Variants in KLHL29 observed in about 807,000 individuals in gnomAD.
The protein encoded by KLHL29 is kelch like family member 29, also known as kelch-like protein 29.
In KLHL29, 21 loss-of-function variants were observed where a neutral mutation model predicts 80.4. That is an observed-to-expected ratio of 0.26 (90% CI 0.19 to 0.38). The LOEUF (loss-of-function observed/expected upper bound fraction) is 0.38, where lower values mean the gene tolerates loss of function less well. KLHL29 is among the 10% of genes least tolerant of loss of function. KLHL29 has a pLI of 1.00. For missense variants in KLHL29, 867 were observed against 1,223.9 expected, an observed-to-expected ratio of 0.71 and a Z score of 4.35; for synonymous variants, 511 against 526.8, an observed-to-expected ratio of 0.97 and a Z score of 0.41.
intron 5 of KLHL29, among the ~76,000 whole-genome samples, chr2:23,675,197 C>G (rs566669745): frequency 2.0e-5 from 3 of 152,330 alleles, no homozygotes; most frequent in Admixed American, 2.0e-4. Context: ...ATCCTCCAAG[C>G]AGGGGAAGGA....
chr2:23,693,122 G>C, intron 7 of KLHL29, 147 bp from the exon 8 acceptor site: 2 of 944,672 alleles, frequency 2.1e-6, no homozygotes, highest in Non-Finnish European at 3.1e-6. Flanking sequence ...CAGACACCCA[G>C]GAAGGGGGCC....
rs73919772 is a variant in KLHL29, at chr2:23,587,369, T to C, written c.285+24888T>C. 2.5e-3 allele frequency among the ~76,000 whole-genome samples: 378 copies of C among 152,086 alleles called. 1 individual carries two copies. The highest frequency in any genetic ancestry group is 8.5e-3 in the African/African-American group (351 of 41,476). On this transcript the variant is annotated intron_variant, in intron 3 of 13. Coordinates refer to ENST00000486442, the MANE Select transcript of KLHL29 (RefSeq NM_052920.2). ...TGGAATCCTCAGGGCCCCCCACTAATCACTTTTGATGGAGTAAGACTTGGA... is the reference window on the plus strand; with the variant it reads ...TGGAATCCTCAGGGCCCCCCACTAACCACTTTTGATGGAGTAAGACTTGGA...
In KLHL29 at chr2:23,452,948, C is replaced by T. The variant is rs142273458; in HGVS notation, c.-153-22612C>T. 3.4e-3 allele frequency among the ~76,000 whole-genome samples: 524 copies of T among 152,004 alleles called. 4 individuals are homozygous for T. The highest frequency in any genetic ancestry group is 0.012 in the African/African-American group (504 of 41,428). ...CACACATCCCCCAGCACTTGAGCTG[C>T]GCTTCCACATAACCACTTCCTTTAT... On this transcript the variant is annotated intron_variant, in intron 1 of 13. Coordinates refer to ENST00000486442, the MANE Select transcript of KLHL29 (RefSeq NM_052920.2).
At chr2:23,432,488 A>C (rs554550404) in intron 1 of KLHL29, among the ~76,000 whole-genome samples, 1 of 152,246 alleles carries the variant, frequency 6.6e-6, no homozygotes, top group Non-Finnish European at 1.5e-5. Context: ...TGGGGATTCA[A>C]CAGTGCCTGA....
chr2:23,628,563 G>A (rs866971497), intron 3 of KLHL29, among the ~76,000 whole-genome samples: 1 of 152,186 alleles, frequency 6.6e-6, no homozygotes, highest in Non-Finnish European at 1.5e-5. Context: ...AAGGTAGGAG[G>A]ATCGCTTGAG....
intron 11 of KLHL29, among the ~76,000 whole-genome samples, chr2:23,702,831 C>G (rs1399276958): frequency 6.6e-6 from 1 of 150,692 alleles, no homozygotes; most frequent in Non-Finnish European, 1.5e-5. Flanking sequence ...TGGGGCCTGG[C>G]TATAAAGCAA....
chr2:23,537,417 TACACACACACAC>T (rs5741924), intron 2 of KLHL29, among the ~76,000 whole-genome samples: 119 of 149,152 alleles, frequency 8.0e-4, no homozygotes, highest in Middle Eastern at 3.4e-3. Flanking sequence ...GGGCAGAAAC[TACACACACACAC>T]ACACACACAC....
chr2:23,458,268 TG>T (rs1294651409), intron 1 of KLHL29, among the ~76,000 whole-genome samples: 1 of 152,226 alleles, frequency 6.6e-6, no homozygotes, highest in African/African-American at 2.4e-5. Flanking sequence ...TGCAAGGCAC[TG>T]GTGCTCCCAC....
intron 2 of KLHL29, among the ~76,000 whole-genome samples, chr2:23,476,741 G>C (rs922817705): frequency 1.3e-5 from 2 of 152,160 alleles, no homozygotes; most frequent in African/African-American, 4.8e-5. Context: ...TACTTCTTTG[G>C]CTTAAATTTT....
chr2:23,553,557 AC>A (rs1180218037), intron 2 of KLHL29, among the ~76,000 whole-genome samples: 1 of 151,866 alleles, frequency 6.6e-6, no homozygotes, highest in Non-Finnish European at 1.5e-5. Context: ...CGAACACCTC[AC>A]CCCCTGAGGA....
chr2:23,400,191 C>T (rs1558324081), intron 1 of KLHL29, among the ~76,000 whole-genome samples: 1 of 152,188 alleles, frequency 6.6e-6, no homozygotes, highest in Admixed American at 6.5e-5. Flanking sequence ...CCAGCTCCGA[C>T]GGCCACCTGC....
chr2:23,528,651 T>A (rs1361935157), intron 2 of KLHL29, among the ~76,000 whole-genome samples: 1 of 152,218 alleles, frequency 6.6e-6, no homozygotes, highest in Non-Finnish European at 1.5e-5. Flanking sequence ...GGAAACTGAT[T>A]AGACTGTGAA....
At chr2:23,583,892 CTT>C (rs1375652729) in intron 3 of KLHL29, among the ~76,000 whole-genome samples, 1 of 152,238 alleles carries the variant, frequency 6.6e-6, no homozygotes. Context: ...CTCTGCTCCT[CTT>C]TATCTTGTTG....
intron 2 of KLHL29, chr2:23,507,109 T>A (rs750851274): frequency 3.1e-5 from 14 of 452,058 alleles, no homozygotes; most frequent in Non-Finnish European, 5.1e-5. Flanking sequence ...AGGCTCAACA[T>A]CGCTGCCTGG....
chr2:23,409,399 A>C (rs1161275281), intron 1 of KLHL29, among the ~76,000 whole-genome samples: 1 of 152,100 alleles, frequency 6.6e-6, no homozygotes, highest in Non-Finnish European at 1.5e-5. Flanking sequence ...TGGGGGCGGA[A>C]TCTCCCCACA....
chr2:23,569,681 C>A (rs1667670508), intron 3 of KLHL29, among the ~76,000 whole-genome samples: 2 of 152,054 alleles, frequency 1.3e-5, no homozygotes, highest in African/African-American at 4.8e-5. Flanking sequence ...CTTTCAGAAC[C>A]CAACCCATTT....
chr2:23,455,818 C>G (rs1395171241), intron 1 of KLHL29, among the ~76,000 whole-genome samples: 1 of 151,994 alleles, frequency 6.6e-6, no homozygotes, highest in Non-Finnish European at 1.5e-5. Flanking sequence ...ATTGTGTCTC[C>G]CCAAAATTCA....
chr2:23,505,856 A>T (rs1477133650), intron 2 of KLHL29, among the ~76,000 whole-genome samples: 1 of 152,148 alleles, frequency 6.6e-6, no homozygotes, highest in Non-Finnish European at 1.5e-5. Flanking sequence ...CCCTTCCCCT[A>T]CAGGGTGGGT....
intron 1 of KLHL29, among the ~76,000 whole-genome samples, chr2:23,409,388 G>GCATA (rs1666809711): frequency 1.3e-5 from 2 of 152,214 alleles, no homozygotes; most frequent in Admixed American, 1.3e-4. Flanking sequence ...ATGGCTGGAG[G>GCATA]TGGGGGCGGA....
Sources: allele counts gnomAD v4.1 joint callset (sites outside exome capture counted in the v4.1 genomes callset), GRCh38; gene constraint gnomAD v4.1.1; transcripts MANE v1.5; gene names NCBI Gene and HGNC (gene_info 2026-07-23, HGNC 2026-07-21).